Variants in OLFM2 observed in about 807,000 individuals in gnomAD.
OLFM2 encodes the protein noelin-2.
Under a neutral mutation model 43.9 loss-of-function variants are expected in OLFM2, and 20 were observed. The observed-to-expected ratio is 0.46, with a 90% confidence interval of 0.32 to 0.66. OLFM2 has a LOEUF of 0.66. OLFM2 is among the 30% of genes least tolerant of loss of function. The pLI is 0.04. For synonymous variants in OLFM2, 268 were observed against 278.6 expected (o/e 0.96, Z 0.38); for missense variants, 416 against 643.6 (o/e 0.65, Z 3.83).
At chr19:9,865,567 C>T (rs1168574527) in intron 1 of OLFM2, among the ~76,000 whole-genome samples, 1 of 145,294 alleles carries the variant, frequency 6.9e-6, no homozygotes, top group Non-Finnish European at 1.5e-5. Context: ...TCTCGGCTCA[C>T]TGCAGCCTCT....
intron 1 of OLFM2, 129 bp from the exon 2 acceptor site, chr19:9,860,923 G>A (rs2046361802): frequency 3.2e-6 from 3 of 925,220 alleles, no homozygotes; most frequent in Middle Eastern, 3.4e-4. Context: ...GCCAGTGCCT[G>A]TTGTGTGTGA....
chr19:9,855,136 C>G (rs1307237819), intron 5 of OLFM2, among the ~76,000 whole-genome samples: 1 of 152,152 alleles, frequency 6.6e-6, no homozygotes, highest in East Asian at 1.9e-4. Context: ...CAGGGAATTC[C>G]TGGGCCCAGT....
At chr19:9,918,881 T>C (rs1328447979) in intron 1 of OLFM2, among the ~76,000 whole-genome samples, 1 of 152,134 alleles carries the variant, frequency 6.6e-6, no homozygotes, top group Non-Finnish European at 1.5e-5. Flanking sequence ...GGAGATGGAA[T>C]GCAAATGGGC....
rs1472690706 is a variant in OLFM2, at chr19:9,870,654, A to G, written c.64-9860T>C. Among the ~76,000 whole-genome samples, 3 of 151,724 alleles carry G rather than the reference A, an allele frequency of 2.0e-5. No individual in the cohort carries two copies. The East Asian group carries it at 5.8e-4, about 29-fold the overall frequency. ...TTTGCACGGGCCGGGCCTGCTGCCA[A>G]TCCCCGCACTCTCCCCTTCTTAGGG... On this transcript the variant is annotated intron_variant, in intron 1 of 5. Coordinates refer to ENST00000264833, the MANE Select transcript of OLFM2 (RefSeq NM_058164.4).
chr19:9,933,244 G>A lies in OLFM2; in HGVS notation c.63+3060C>T, dbSNP rs934224988. On this transcript the variant is annotated intron_variant, in intron 1 of 5. Coordinates refer to ENST00000264833, the MANE Select transcript of OLFM2 (RefSeq NM_058164.4). ...AGCCCCCACCTTGTAATCTTTTTCT[G>A]TTTTTTTGCTTTGAGACAGTCTTGT... is the stretch of plus-strand genomic sequence containing the variant. Among the ~76,000 whole-genome samples, 13 of 152,018 alleles carry A rather than the reference G, an allele frequency of 8.6e-5. 1 individual carries two copies. The highest frequency in any genetic ancestry group is 2.9e-4 in the African/African-American group (12 of 41,380).
intron 1 of OLFM2, among the ~76,000 whole-genome samples, chr19:9,934,322 T>A (rs567177490): frequency 6.6e-6 from 1 of 152,114 alleles, no homozygotes; most frequent in African/African-American, 2.4e-5. Context: ...CCCTAACGGA[T>A]TACCTCATTT....
chr19:9,857,493 A>G lies in OLFM2; in HGVS notation c.361-11T>C. 6.2e-7 allele frequency: 1 copy of G among 1,612,840 alleles called. No homozygotes were observed. The highest frequency in any genetic ancestry group is 1.7e-5 in the Admixed American group (1 of 59,988). The stretch of plus-strand genomic sequence containing the variant: ...CCTGTCCTTCAGCTCCTGTGCATCA[A>G]GATGGAACCATGGCCAAGCCTGACC... On this transcript the variant is annotated splice_polypyrimidine_tract_variant and intron_variant, in intron 3 of 5. Transcript: ENST00000264833. This position sits in a 1 kb window ranked among gnomAD's most constrained non-coding sequence, Gnocchi z 5.7.
intron 1 of OLFM2, among the ~76,000 whole-genome samples, chr19:9,923,576 A>G (rs2086433425): frequency 6.6e-6 from 1 of 150,700 alleles, no homozygotes; most frequent in Non-Finnish European, 1.5e-5. Context: ...AAAAAGAAAG[A>G]AAAGAAAGAA....
chr19:9,883,800 G>T (rs895813334), intron 1 of OLFM2, among the ~76,000 whole-genome samples: 1 of 152,134 alleles, frequency 6.6e-6, no homozygotes, highest in Non-Finnish European at 1.5e-5. Flanking sequence ...TTGCATGCAC[G>T]ATGTGTGCAC....
intron 1 of OLFM2, among the ~76,000 whole-genome samples, chr19:9,877,171 G>A (rs1471376896): frequency 4.0e-5 from 6 of 148,388 alleles, no homozygotes; most frequent in South Asian, 2.1e-4. Flanking sequence ...TGAAGGTTGC[G>A]ATGAGCCGAG....
chr19:9,897,085 T>C (rs1297758436), intron 1 of OLFM2, among the ~76,000 whole-genome samples: 3 of 152,030 alleles, frequency 2.0e-5, no homozygotes, highest in South Asian at 4.2e-4. Context: ...TCCCAGCACT[T>C]TGGGAGGCCA....
Position 9,856,656 on chromosome 19 carries a change from T to C in OLFM2, c.687+151A>G. 1.6e-6 allele frequency: 1 copy of C among 630,912 alleles called. No individual in the cohort carries two copies. The highest frequency in any genetic ancestry group is 2.8e-6 in the Non-Finnish European group (1 of 354,784). The allele number at this position is 630,912 out of a possible 1,614,324, so 39.1% of individuals were successfully genotyped here. ...TGCAAAGCCCTTGGTCACTTGGGGG[T>C]TACTGGACAGGGAGGTCCAATGGCC... On this transcript the variant is annotated intron_variant, in intron 5 of 5. Transcript: ENST00000264833. This position sits in a 1 kb window ranked among gnomAD's most constrained non-coding sequence, Gnocchi z 4.0.
chr19:9,905,292 C>A (rs574533307), intron 1 of OLFM2, among the ~76,000 whole-genome samples: 2 of 151,894 alleles, frequency 1.3e-5, no homozygotes, highest in African/African-American at 4.8e-5. Context: ...CCCGTCTCTA[C>A]GAAAAATACA....
At chr19:9,904,147 A>ATTGT (rs1334408200) in intron 1 of OLFM2, among the ~76,000 whole-genome samples, 65 of 116,718 alleles carry the variant, frequency 5.6e-4, no homozygotes, top group African/African-American at 1.6e-3. Context: ...CAGGCTGAGT[A>ATTGT]TTGTTTGTGT....
intron 1 of OLFM2, among the ~76,000 whole-genome samples, chr19:9,925,939 A>G (rs2086449632): frequency 6.6e-6 from 1 of 151,212 alleles, no homozygotes; most frequent in South Asian, 2.1e-4. Flanking sequence ...GTTGAAGACC[A>G]GCTTGAGCAA....
intron 1 of OLFM2, among the ~76,000 whole-genome samples, chr19:9,926,148 C>CT (rs60036206): frequency 4.0e-5 from 6 of 150,050 alleles, no homozygotes; most frequent in African/African-American, 1.2e-4. Flanking sequence ...AACATTAAGA[C>CT]TTTTTTTTAA....
rs2046291510 is a variant in OLFM2 at position 9,853,971 on chromosome 19, AGTG to A, written c.*212_*214del. On this transcript the variant is annotated 3_prime_UTR_variant, in exon 6 of 6. Coordinates refer to ENST00000264833, the MANE Select transcript of OLFM2 (RefSeq NM_058164.4). ...ATCCATAAAAAGGCAGAAAGAAAGA[AGTG>A]GTGTATTAAAAGCAGAGATCAATAA... The A allele has an allele frequency of 6.8e-6, 4 of 586,494 alleles. No homozygotes were observed. Among genetic ancestry groups the A allele is most frequent in the East Asian group, 2.8e-5 (1 of 35,688 alleles). The allele number at this position is 586,494 out of a possible 1,614,324, so 36.3% of individuals were successfully genotyped here. A position where few individuals can be genotyped will look rare whatever the true frequency, so the allele number is the denominator to read the frequency against.
chr19:9,901,163 A>G (rs560420856), intron 1 of OLFM2, among the ~76,000 whole-genome samples: 11 of 149,232 alleles, frequency 7.4e-5, no homozygotes, highest in South Asian at 4.3e-4. Context: ...AAAAAGAAAG[A>G]AAGGAAGGAA....
chr19:9,909,172 CCTT>C (rs1283151714), intron 1 of OLFM2, among the ~76,000 whole-genome samples: 1 of 152,156 alleles, frequency 6.6e-6, no homozygotes, highest in Non-Finnish European at 1.5e-5. Context: ...CTCAGCTCCT[CCTT>C]ATTCGTCCCA....
Sources: allele counts gnomAD v4.1 joint callset (sites outside exome capture counted in the v4.1 genomes callset), GRCh38; gene constraint gnomAD v4.1.1; non-coding constraint Gnocchi (gnomAD v3.1); transcripts MANE v1.5; gene names NCBI Gene and HGNC (gene_info 2026-07-23, HGNC 2026-07-21).